The following FBXL7 variants were observed in gnomAD, a reference collection of about 807,000 sequenced individuals.
The protein encoded by FBXL7 is F-box/LRR-repeat protein 7.
Under a neutral mutation model 38.3 loss-of-function variants are expected in FBXL7, and 12 were observed. That is an observed-to-expected ratio of 0.31 (90% CI 0.20 to 0.51). The LOEUF (loss-of-function observed/expected upper bound fraction) is 0.51. FBXL7 is among the 20% of genes least tolerant of loss of function. The pLI is 0.98. For missense variants in FBXL7, 567 were observed against 676.4 expected (o/e 0.84, Z 1.79); for synonymous variants, 297 against 300.9 (o/e 0.99, Z 0.13).
chr5:15,530,891 T>C (rs1048221463), intron 1 of FBXL7, among the ~76,000 whole-genome samples: 1 of 152,194 alleles, frequency 6.6e-6, no homozygotes, highest in South Asian at 2.1e-4. Flanking sequence ...GTAACACCCG[T>C]AGAACTGATC....
intron 1 of FBXL7, among the ~76,000 whole-genome samples, chr5:15,609,716 C>A (rs559268511): frequency 6.6e-6 from 1 of 152,176 alleles, no homozygotes. Context: ...GAAGCTGCAG[C>A]GAAGACTGCC....
At chr5:15,529,777 T>C (rs1715304982) in intron 1 of FBXL7, among the ~76,000 whole-genome samples, 1 of 152,336 alleles carries the variant, frequency 6.6e-6, no homozygotes, top group South Asian at 2.1e-4. Context: ...TAATGCTCAG[T>C]TTCCTCTTTT....
At chr5:15,888,206 T>G (rs1740757501) in intron 2 of FBXL7, among the ~76,000 whole-genome samples, 1 of 50,860 alleles carries the variant, frequency 2.0e-5, no homozygotes, top group African/African-American at 5.5e-5. Context: ...CTTTATTTAT[T>G]TATTTATTTA....
In FBXL7 at chr5:15,541,441, G is replaced by GTATATATATA. The variant is rs35405191; in HGVS notation, c.37+40729_37+40730insATATATATAT. Among the ~76,000 whole-genome samples the GTATATATATA allele has an allele frequency of 2.5e-3, 135 of 53,278 alleles. 1 individual carries two copies. The highest frequency in any genetic ancestry group is 0.014 in the Middle Eastern group (1 of 72). 35.0% of individuals were successfully genotyped at this position (53,278 alleles called of 152,430 possible). ...ATACATATAGTATATATGTGTGTGT[G>GTATATATATA]TGTATATATATATATATATATATAT... On this transcript the variant is annotated intron_variant, in intron 1 of 3. Coordinates refer to ENST00000504595, the MANE Select transcript of FBXL7 (RefSeq NM_012304.5).
chr5:15,939,092 T>C lies in FBXL7; in HGVS notation c.*1906T>C, dbSNP rs1224744141. ...TCTGTGGGGGATGGAGAGGTTAGTGTGATGAGGTGGTGTCTGCCCAGGAGG... is the reference window on the plus strand; with the variant it reads ...TCTGTGGGGGATGGAGAGGTTAGTGCGATGAGGTGGTGTCTGCCCAGGAGG... On this transcript the variant is annotated 3_prime_UTR_variant, in exon 4 of 4. Transcript: ENST00000504595. 1 of 398,918 alleles carries C rather than the reference T, an allele frequency of 2.5e-6. No individual in the cohort carries two copies. Among genetic ancestry groups the C allele is most frequent in the Non-Finnish European group, 4.4e-6 (1 of 226,060 alleles). 24.7% of individuals were successfully genotyped at this position (398,918 alleles called of 1,614,324 possible). A position where few individuals can be genotyped will look rare whatever the true frequency, so the allele number is the denominator to read the frequency against.
intron 2 of FBXL7, among the ~76,000 whole-genome samples, chr5:15,790,720 T>A (rs1266009436): frequency 1.3e-5 from 2 of 152,184 alleles, no homozygotes; most frequent in African/African-American, 4.8e-5. Context: ...CTGACATTTA[T>A]TCACTGAACC....
At chr5:15,553,319 C>A (rs528599566) in intron 1 of FBXL7, among the ~76,000 whole-genome samples, 4 of 152,112 alleles carry the variant, frequency 2.6e-5, no homozygotes, top group African/African-American at 9.7e-5. Flanking sequence ...TTTTTCTCTT[C>A]CCTCTTTACC....
intron 2 of FBXL7, among the ~76,000 whole-genome samples, chr5:15,742,651 G>T (rs1329245074): frequency 2.6e-5 from 4 of 152,182 alleles, no homozygotes. Flanking sequence ...TGGTATTTGA[G>T]AGTTGGCTTT....
intron 2 of FBXL7, among the ~76,000 whole-genome samples, chr5:15,832,900 G>A (rs1191974456): frequency 5.9e-5 from 9 of 151,992 alleles, no homozygotes; most frequent in South Asian, 4.2e-4. Flanking sequence ...GAAAGGACCC[G>A]GTGGGAGGTA....
chr5:15,684,227 A>T (rs1311698877), intron 2 of FBXL7, among the ~76,000 whole-genome samples: 2 of 152,194 alleles, frequency 1.3e-5, no homozygotes, highest in Non-Finnish European at 2.9e-5. Context: ...AAGCCTACGC[A>T]CCTGCTCTCA....
intron 2 of FBXL7, among the ~76,000 whole-genome samples, chr5:15,845,328 A>G (rs950545291): frequency 2.0e-5 from 3 of 152,218 alleles, no homozygotes; most frequent in Admixed American, 6.5e-5. Context: ...AATGCATTCA[A>G]TAAGTTCCCA....
At chr5:15,773,192 C>G (rs948995348) in intron 2 of FBXL7, among the ~76,000 whole-genome samples, 1 of 152,110 alleles carries the variant, frequency 6.6e-6, no homozygotes, top group East Asian at 1.9e-4. Flanking sequence ...AGCAAACAAG[C>G]CTGGCTGTGA....
chr5:15,666,563 G>A (rs555985559), intron 2 of FBXL7, among the ~76,000 whole-genome samples: 11 of 152,200 alleles, frequency 7.2e-5, no homozygotes, highest in East Asian at 1.9e-4. Context: ...GTACTTGCTC[G>A]TTTTTTGACA....
chr5:15,526,333 T>A (rs1737250597), intron 1 of FBXL7, among the ~76,000 whole-genome samples: 1 of 152,140 alleles, frequency 6.6e-6, no homozygotes, highest in Non-Finnish European at 1.5e-5. Flanking sequence ...ATTACCTCAC[T>A]CGCTTCTCAA....
At chr5:15,721,156 A>C (rs887962631) in intron 2 of FBXL7, among the ~76,000 whole-genome samples, 10 of 152,178 alleles carry the variant, frequency 6.6e-5, no homozygotes, top group African/African-American at 2.4e-4. Context: ...TACATCTTTG[A>C]AGCTCAATAT....
At chr5:15,816,052 G>A (rs1738004952) in intron 2 of FBXL7, among the ~76,000 whole-genome samples, 1 of 152,026 alleles carries the variant, frequency 6.6e-6, no homozygotes, top group Admixed American at 6.6e-5. Flanking sequence ...TATAATACAA[G>A]TTATTATCAT....
intron 2 of FBXL7, among the ~76,000 whole-genome samples, chr5:15,760,774 G>A (rs1432492416): frequency 6.6e-6 from 1 of 152,108 alleles, no homozygotes; most frequent in Non-Finnish European, 1.5e-5. Flanking sequence ...GAGGGAATAG[G>A]ATGGCAGAAG....
chr5:15,619,431 A>G (rs953772614), intron 2 of FBXL7, among the ~76,000 whole-genome samples: 3 of 152,082 alleles, frequency 2.0e-5, no homozygotes, highest in Non-Finnish European at 2.9e-5. Flanking sequence ...ACGCCTACCT[A>G]ACTACCTGTA....
At chr5:15,824,428 G>A (rs759253896) in intron 2 of FBXL7, among the ~76,000 whole-genome samples, 7 of 152,030 alleles carry the variant, frequency 4.6e-5, no homozygotes, top group Non-Finnish European at 7.4e-5. Flanking sequence ...TCCCGGCCCA[G>A]TCTGTGATGC....
Sources: gnomAD v4.1 joint callset for allele counts (sites outside exome capture counted in the v4.1 genomes callset) on GRCh38, gnomAD v4.1.1 for gene constraint, MANE v1.5 for transcripts, NCBI Gene and HGNC (gene_info 2026-07-23, HGNC 2026-07-21) for gene names.